Variants in SEMA6A observed in about 807,000 individuals in gnomAD.
SEMA6A encodes the protein semaphorin-6A.
In SEMA6A, 25 loss-of-function variants were observed where a neutral mutation model predicts 96.8. The observed-to-expected ratio is 0.26, with a 90% CI of 0.19 to 0.36. The LOEUF (loss-of-function observed/expected upper bound fraction) is 0.36, where lower values mean the gene tolerates loss of function less well. SEMA6A is among the 10% of genes least tolerant of loss of function. The probability of loss-of-function intolerance (pLI) is 1.00; values close to 1 mark genes in which losing one functional copy is unlikely to be tolerated. For missense variants in SEMA6A, 1,363 were observed against 1,323.1 expected (o/e 1.03, Z -0.47); for synonymous variants, 612 against 518.0 (o/e 1.18, Z -2.46).
chr5:116,481,283 C>G (rs1345503913), intron 11 of SEMA6A, among the ~76,000 whole-genome samples: 1 of 152,196 alleles, frequency 6.6e-6, no homozygotes, highest in Non-Finnish European at 1.5e-5. Flanking sequence ...GAAACCTGAT[C>G]CCTCAGGCTG....
At chr5:116,505,785 T>A (rs1758118668) in intron 1 of SEMA6A, among the ~76,000 whole-genome samples, 1 of 152,002 alleles carries the variant, frequency 6.6e-6, no homozygotes, top group African/African-American at 2.4e-5. Flanking sequence ...GTTCTACCCA[T>A]CTGTATTTTC....
chr5:116,474,864 G>A (rs1756369946), intron 16 of SEMA6A, among the ~76,000 whole-genome samples: 1 of 151,776 alleles, frequency 6.6e-6, no homozygotes, highest in Non-Finnish European at 1.5e-5. Flanking sequence ...CATTAATAAA[G>A]CATTTTCAGG....
In SEMA6A at chr5:116,447,727, A is replaced by T; in HGVS notation, c.1979T>A (p.Val660Asp). Reference sequence around the variant, plus strand: ...GATGCCCGAGAAGACGGCCCCCATGACGAAAGCCAGGATGACTGCAATGGC... The same window carrying T: ...GATGCCCGAGAAGACGGCCCCCATGTCGAAAGCCAGGATGACTGCAATGGC... ...LLAIAVILAF[V>D]MGAVFSGITV... The change falls in exon 19 of 19, where the codon GTC becomes GAC. Residue 660 changes from valine (V) to aspartate (D), a missense_variant. Transcript: ENST00000343348. The T allele has an allele frequency of 6.2e-7, 1 of 1,613,902 alleles. No homozygotes were observed. Among genetic ancestry groups the T allele is most frequent in the Non-Finnish European group, 8.5e-7 (1 of 1,179,816 alleles).
At chr5:116,522,526 G>C (rs533999213) in intron 1 of SEMA6A, among the ~76,000 whole-genome samples, 14 of 152,196 alleles carry the variant, frequency 9.2e-5, no homozygotes, top group Middle Eastern at 6.8e-3. Flanking sequence ...GGTGGCTGGT[G>C]GTTTACACAG....
intron 8 of SEMA6A, 83 bp downstream of exon 8, chr5:116,488,805 T>G: frequency 7.0e-7 from 1 of 1,419,096 alleles, no homozygotes; most frequent in Non-Finnish European, 9.3e-7. Flanking sequence ...GAAGATACAG[T>G]CTGGTCCCTC....
intron 17 of SEMA6A, chr5:116,469,100 G>T (rs530797394): frequency 6.6e-6 from 1 of 152,214 alleles, no homozygotes; most frequent in African/African-American, 2.4e-5. Context: ...CAAGTGGCTC[G>T]TCCATGCTAT....
chr5:116,473,846 G>A (rs1470823613), intron 16 of SEMA6A, among the ~76,000 whole-genome samples: 1 of 152,190 alleles, frequency 6.6e-6, no homozygotes, highest in East Asian at 1.9e-4. Context: ...AGGCAGGCAG[G>A]CAGAGGGGCA....
At chr5:116,480,321 G>A (rs1203131076) in intron 11 of SEMA6A, 44 bp from the exon 12 acceptor site, 2 of 1,606,716 alleles carry the variant, frequency 1.2e-6, no homozygotes, top group African/African-American at 1.3e-5. Context: ...CTTATTTTCT[G>A]CCTTATGGCA....
Position 116,467,709 on chromosome 5 carries a change from C to G in SEMA6A, c.1768G>C (p.Asp590His), listed in dbSNP as rs1048153170. 2 of 1,613,700 alleles carry G rather than the reference C, an allele frequency of 1.2e-6. No individual in the cohort carries two copies. Among genetic ancestry groups the G allele is most frequent in the African/African-American group, 2.7e-5 (2 of 74,892 alleles). Residue 590 changes from aspartate (D) to histidine (H), a missense_variant, in exon 18 of 19, where the codon GAT (aspartate) becomes CAT (histidine). Asp to His is a moderately conservative substitution (Grantham distance 81, BLOSUM62 -1). Transcript: ENST00000343348. ...SSLLPSTTTS[D>H]STAQEGYESR... ...TCATACCCCTCTTGAGCCGTCGAAT[C>G]TGATGTGGTTGTGCTGGGCAAGAGG...
intron 1 of SEMA6A, among the ~76,000 whole-genome samples, chr5:116,523,736 C>G (rs1158763571): frequency 6.6e-6 from 1 of 152,170 alleles, no homozygotes; most frequent in Admixed American, 6.6e-5. Flanking sequence ...TGTCTGTGTT[C>G]CATACCCAGA....
intron 1 of SEMA6A, among the ~76,000 whole-genome samples, chr5:116,514,946 C>A (rs974756403): frequency 3.9e-5 from 6 of 152,186 alleles, no homozygotes; most frequent in Admixed American, 1.3e-4. Flanking sequence ...TAACAATAAT[C>A]TTCCAAAAAG....
chr5:116,524,456 T>C (rs1382798429), intron 1 of SEMA6A, among the ~76,000 whole-genome samples: 1 of 152,200 alleles, frequency 6.6e-6, no homozygotes, highest in Non-Finnish European at 1.5e-5. Context: ...GCATGGAACA[T>C]GTGATTTGTC....
intron 4 of SEMA6A, 93 bp downstream of exon 4, chr5:116,497,234 G>A: frequency 1.4e-6 from 1 of 725,486 alleles, no homozygotes; most frequent in Non-Finnish European, 2.3e-6. Flanking sequence ...ATTATGATTA[G>A]CTACATCATC....
At chr5:116,534,789 C>T (rs904167795) in intron 1 of SEMA6A, among the ~76,000 whole-genome samples, 2 of 152,192 alleles carry the variant, frequency 1.3e-5, no homozygotes, top group African/African-American at 4.8e-5. Flanking sequence ...TGGACACCCG[C>T]TGCTTAGCCC....
chr5:116,478,556 A>G lies in SEMA6A; in HGVS notation c.1413T>C (p.Val471=). 6.2e-7 allele frequency: 1 copy of G among 1,611,460 alleles called. No homozygotes were observed. The highest frequency in any genetic ancestry group is 1.3e-5 in the African/African-American group (1 of 74,970). Residue 471 remains valine, a synonymous_variant, in exon 13 of 19, where the codon GTT becomes GTC. Transcript: ENST00000343348. ...ATTCCACTTACTTTTCAGAGTTGTA[A>G]ACACTCATCTCCTCCAGGAAAAGGC... ...NDSLFLEEMS[V]YNSEKCSYDG...
At position 116,467,760 on chromosome 5, in the gene SEMA6A, CA is replaced by C. The variant is rs769485014; in HGVS notation, c.1730-14del. The stretch of plus-strand genomic sequence containing the variant: ...GAACTGGAATGCCCTGTTTTCATCA[CA>C]AATACAGTTAGGAAAACATCACCAG... On this transcript the variant is annotated splice_polypyrimidine_tract_variant and intron_variant, in intron 17 of 18. Coordinates refer to ENST00000343348, the MANE Select transcript of SEMA6A (RefSeq NM_020796.5). 6.2e-7 allele frequency: 1 copy of C among 1,613,090 alleles called. No homozygotes were observed. Among genetic ancestry groups the C allele is most frequent in the Non-Finnish European group, 8.5e-7 (1 of 1,179,498 alleles).
At chr5:116,495,937 G>A in intron 5 of SEMA6A, 1 of 354,344 alleles carries the variant, frequency 2.8e-6, no homozygotes, top group South Asian at 3.0e-5. Context: ...CAGACTCCCT[G>A]TGGGCCTTGG....
chr5:116,528,281 G>A (rs182954247), intron 1 of SEMA6A, among the ~76,000 whole-genome samples: 59 of 152,180 alleles, frequency 3.9e-4, no homozygotes, highest in Non-Finnish European at 6.9e-4. Context: ...TTCCAGCCAG[G>A]TTTCTTGCTT....
chr5:116,480,298 A>G, intron 11 of SEMA6A, 21 bp from the exon 12 acceptor site: 1 of 1,612,658 alleles, frequency 6.2e-7, no homozygotes, highest in Non-Finnish European at 8.5e-7. Flanking sequence ...ACAAAGGGTG[A>G]GGAAGGAGGG....
Sources: allele counts gnomAD v4.1 joint callset (sites outside exome capture counted in the v4.1 genomes callset), GRCh38; gene constraint gnomAD v4.1.1; transcripts MANE v1.5; gene names NCBI Gene and HGNC (gene_info 2026-07-23, HGNC 2026-07-21).